PTPRM: variants seen among roughly 807,000 people sequenced by gnomAD.
PTPRM encodes receptor-type tyrosine-protein phosphatase mu.
Under a neutral mutation model 186.7 loss-of-function variants are expected in PTPRM, and 47 were observed. The ratio of observed to expected loss-of-function variants is 0.25; its 90% CI spans 0.20 to 0.32. The LOEUF (loss-of-function observed/expected upper bound fraction) is 0.32, where lower values mean the gene tolerates loss of function less well. PTPRM is among the 10% of genes least tolerant of loss of function. The pLI, the probability that PTPRM is intolerant of heterozygous loss-of-function variation, is 1.00. For synonymous variants in PTPRM, 668 were observed against 674.9 expected (o/e 0.99, Z 0.16); for missense variants, 1,494 against 1,865.0 (o/e 0.80, Z 3.66).
intron 19 of PTPRM, among the ~76,000 whole-genome samples, chr18:8,293,030 C>T (rs979609459): frequency 2.6e-5 from 4 of 152,146 alleles, no homozygotes; most frequent in Admixed American, 2.6e-4. Context: ...TCATGTCCCT[C>T]AGCTGTAAGG....
intron 14 of PTPRM, among the ~76,000 whole-genome samples, chr18:8,230,882 G>A (rs1046337068): frequency 2.0e-5 from 3 of 152,148 alleles, no homozygotes; most frequent in Admixed American, 2.0e-4. Context: ...AGTGGATCTT[G>A]TAATTTGGTA....
intron 7 of PTPRM, among the ~76,000 whole-genome samples, chr18:7,959,115 G>A (rs1204487966): frequency 6.6e-6 from 1 of 152,162 alleles, no homozygotes; most frequent in Non-Finnish European, 1.5e-5. Flanking sequence ...GTTTTGTTGT[G>A]AGCCTTAATG....
At chr18:8,222,295 A>C (rs1376074649) in intron 14 of PTPRM, among the ~76,000 whole-genome samples, 1 of 152,222 alleles carries the variant, frequency 6.6e-6, no homozygotes, top group Non-Finnish European at 1.5e-5. Context: ...AGTGCTGTTT[A>C]AAACAAAATT....
rs1343420658 is a variant in PTPRM at position 8,085,798 on chromosome 18, C to G, written c.1679C>G (p.Ser560Cys). Residue 560 changes from serine (S) to cysteine (C), a missense_variant, in exon 10 of 33, where the codon TCC (serine) becomes TGC (cysteine). Physicochemically the swap from Ser to Cys is moderately radical, Grantham distance 112. This residue lies in a region of PTPRM where 1,107 missense variants were observed against 1,350.2 expected (regional missense o/e 0.82). Coordinates refer to ENST00000580170, the MANE Select transcript of PTPRM (RefSeq NM_001105244.2). ...GGACTGTATCCGGGGACCACATACT[C>G]CTTTACCATCCGAGCTAGCACAGCT... The part of the protein sequence containing the change: ...FFGLYPGTTY[S>C]FTIRASTAKG... 2.5e-6 allele frequency: 4 copies of G among 1,613,418 alleles called. No individual in the cohort carries two copies. The highest frequency in any genetic ancestry group is 4.5e-5 in the East Asian group (2 of 44,880).
chr18:7,978,966 C>T (rs1391201781), intron 7 of PTPRM, among the ~76,000 whole-genome samples: 1 of 152,104 alleles, frequency 6.6e-6, no homozygotes, highest in African/African-American at 2.4e-5. Context: ...GCTCTGGGCT[C>T]CCCACCTGTA....
intron 20 of PTPRM, among the ~76,000 whole-genome samples, chr18:8,313,433 G>A (rs896647502): frequency 2.0e-5 from 3 of 152,068 alleles, no homozygotes; most frequent in East Asian, 1.9e-4. Flanking sequence ...TTCAAAAAAC[G>A]ACAATGCACT....
At chr18:8,158,770 C>A (rs1381165198) in intron 14 of PTPRM, among the ~76,000 whole-genome samples, 1 of 152,192 alleles carries the variant, frequency 6.6e-6, no homozygotes, top group Non-Finnish European at 1.5e-5. Context: ...AGGCAAAGCA[C>A]AAGCAGGCGT....
intron 20 of PTPRM, among the ~76,000 whole-genome samples, chr18:8,311,316 A>T (rs1334115536): frequency 6.6e-6 from 1 of 152,156 alleles, no homozygotes; most frequent in East Asian, 1.9e-4. Context: ...TCTCAAAAAA[A>T]AAAAAAACCT....
chr18:7,679,078 T>A (rs1314544059), intron 1 of PTPRM, among the ~76,000 whole-genome samples: 1 of 152,214 alleles, frequency 6.6e-6, no homozygotes, highest in Non-Finnish European at 1.5e-5. Flanking sequence ...TTCTAATCTA[T>A]CAGGTAAAAA....
chr18:7,606,943 T>C (rs1333927020), intron 1 of PTPRM, among the ~76,000 whole-genome samples: 5 of 152,102 alleles, frequency 3.3e-5, no homozygotes, highest in East Asian at 1.9e-4. Context: ...AACTGCTCTA[T>C]TGGAAGTTGC....
chr18:7,910,203 G>A (rs1411592749), intron 4 of PTPRM, among the ~76,000 whole-genome samples: 2 of 152,150 alleles, frequency 1.3e-5, no homozygotes, highest in African/African-American at 4.8e-5. Flanking sequence ...TATTCACAGA[G>A]TATGTACCCG....
chr18:7,935,707 GT>G (rs2051762738), intron 5 of PTPRM, among the ~76,000 whole-genome samples: 1 of 152,118 alleles, frequency 6.6e-6, no homozygotes. Flanking sequence ...ACACATGCAG[GT>G]TTGTTACATG....
At chr18:8,135,589 G>C (rs964198534) in intron 13 of PTPRM, among the ~76,000 whole-genome samples, 1 of 152,084 alleles carries the variant, frequency 6.6e-6, no homozygotes, top group South Asian at 2.1e-4. Context: ...GAGACCCTCT[G>C]TTTTAGAATA....
At chr18:7,878,533 A>G (rs990188727) in intron 2 of PTPRM, among the ~76,000 whole-genome samples, 2 of 152,184 alleles carry the variant, frequency 1.3e-5, no homozygotes, top group Admixed American at 6.5e-5. Flanking sequence ...GTTTTTTAGG[A>G]CAAAGGATGA....
chr18:8,053,343 A>G (rs1471133390), intron 7 of PTPRM, among the ~76,000 whole-genome samples: 1 of 152,172 alleles, frequency 6.6e-6, no homozygotes, highest in Non-Finnish European at 1.5e-5. Flanking sequence ...AATCCCCTAC[A>G]TTCTTTAATT....
chr18:7,854,821 T>G (rs1402246668), intron 2 of PTPRM, among the ~76,000 whole-genome samples: 1 of 151,656 alleles, frequency 6.6e-6, no homozygotes, highest in East Asian at 2.0e-4. Flanking sequence ...CATTGTTATA[T>G]AAAGGGTATG....
intron 14 of PTPRM, among the ~76,000 whole-genome samples, chr18:8,236,567 G>A (rs577139449): frequency 6.6e-6 from 1 of 151,556 alleles, no homozygotes; most frequent in East Asian, 1.9e-4. Flanking sequence ...TTTGAGATGG[G>A]GTCTTGCTAT....
intron 11 of PTPRM, among the ~76,000 whole-genome samples, chr18:8,109,856 A>T (rs2091681576): frequency 1.3e-5 from 2 of 152,162 alleles, no homozygotes; most frequent in South Asian, 4.1e-4. Context: ...GCACATAGAG[A>T]CACAGCGTTT....
At chr18:8,248,049 A>C in intron 16 of PTPRM, 101 bp from the exon 17 acceptor site, 1 of 1,368,800 alleles carries the variant, frequency 7.3e-7, no homozygotes, top group Non-Finnish European at 1.0e-6. Context: ...ATGCGTTTCT[A>C]CAGCTTTCTA....
Sources: gnomAD v4.1 joint callset for allele counts (sites outside exome capture counted in the v4.1 genomes callset) on GRCh38, gnomAD v4.1.1 for gene constraint, gnomAD v4.1.1 regional missense constraint, MANE v1.5 for transcripts, NCBI Gene and HGNC (gene_info 2026-07-23, HGNC 2026-07-21) for gene names.